The following PABPC4L variants were observed in gnomAD, a reference collection of about 807,000 sequenced individuals.
The protein encoded by PABPC4L is polyadenylate-binding protein 4-like.
For missense variants in PABPC4L, 452 were observed against 451.4 expected (o/e 1.00, Z -0.01); for synonymous variants, 169 against 164.1 (o/e 1.03, Z -0.23).
At chr4:134,109,850 T>A in the PABPC4L span, among the ~76,000 whole-genome samples, 1 of 151,904 alleles carries the variant, frequency 6.6e-6, no homozygotes, top group Non-Finnish European at 1.5e-5. Flanking sequence ...CAAGCAATTC[T>A]CCTGTCTCAG....
chr4:134,030,417 T>C, the PABPC4L span, among the ~76,000 whole-genome samples: 2 of 152,116 alleles, frequency 1.3e-5, no homozygotes, highest in Non-Finnish European at 2.9e-5. Context: ...TGATTTGGCT[T>C]TATTTTGTCA....
At chr4:134,075,588 C>T in the PABPC4L span, among the ~76,000 whole-genome samples, 1 of 151,962 alleles carries the variant, frequency 6.6e-6, no homozygotes. Flanking sequence ...ACATATTCCC[C>T]CAAGCGGACA....
chr4:134,050,424 G>A, the PABPC4L span, among the ~76,000 whole-genome samples: 2 of 152,060 alleles, frequency 1.3e-5, no homozygotes, highest in East Asian at 1.9e-4. Flanking sequence ...AGTGAAAGAC[G>A]GCTGATGCAG....
At chr4:133,990,760 A>G in the PABPC4L span, among the ~76,000 whole-genome samples, 5 of 152,200 alleles carry the variant, frequency 3.3e-5, no homozygotes, top group Admixed American at 6.5e-5. Context: ...GCAGTCCTGC[A>G]GCGAATGATC....
At chr4:134,045,433 G>A in the PABPC4L span, among the ~76,000 whole-genome samples, 6 of 152,180 alleles carry the variant, frequency 3.9e-5, no homozygotes, top group Admixed American at 1.3e-4. Flanking sequence ...GAATACCAAT[G>A]CTCTCTTTTC....
At chr4:134,045,764 C>T in the PABPC4L span, among the ~76,000 whole-genome samples, 1 of 152,078 alleles carries the variant, frequency 6.6e-6, no homozygotes, top group East Asian at 1.9e-4. Flanking sequence ...ATAATTTTCC[C>T]CTTCAATCTG....
the PABPC4L span, among the ~76,000 whole-genome samples, chr4:134,109,359 A>G: frequency 5.9e-5 from 9 of 152,048 alleles, no homozygotes; most frequent in Admixed American, 5.3e-4. Context: ...AATATCAAGT[A>G]AAAGCAATAT....
chr4:133,960,393 T>C, the PABPC4L span, among the ~76,000 whole-genome samples: 143 of 151,994 alleles, frequency 9.4e-4, no homozygotes, highest in Non-Finnish European at 1.7e-3. Flanking sequence ...AATACAGAAG[T>C]AGAGGAGCAA....
At chr4:134,177,092 C>T in the PABPC4L span, among the ~76,000 whole-genome samples, 570 of 152,116 alleles carry the variant, frequency 3.7e-3, 2 homozygotes, top group African/African-American at 0.013. Context: ...CCCAAACTTG[C>T]CTGCCCACTC....
chr4:134,010,017 T>C, the PABPC4L span, among the ~76,000 whole-genome samples: 2 of 152,098 alleles, frequency 1.3e-5, no homozygotes, highest in East Asian at 1.9e-4. Flanking sequence ...ACAGTTCTGA[T>C]AAGTGGTCAG....
At chr4:134,055,473 T>A in the PABPC4L span, among the ~76,000 whole-genome samples, 1 of 151,786 alleles carries the variant, frequency 6.6e-6, no homozygotes, top group Non-Finnish European at 1.5e-5. Flanking sequence ...AGCAAACAAC[T>A]CTTAAGGGCA....
chr4:133,995,286 G>A, the PABPC4L span, among the ~76,000 whole-genome samples: 2 of 152,260 alleles, frequency 1.3e-5, no homozygotes, highest in South Asian at 2.1e-4. Context: ...CGTATGACCT[G>A]ACTCTGCATA....
chr4:133,984,262 G>C, the PABPC4L span, among the ~76,000 whole-genome samples: 2 of 151,830 alleles, frequency 1.3e-5, no homozygotes. Context: ...AAGTAGGTAA[G>C]AGGCAGTGAA....
chr4:134,025,141 G>A, the PABPC4L span, among the ~76,000 whole-genome samples: 1 of 150,482 alleles, frequency 6.6e-6, no homozygotes, highest in Non-Finnish European at 1.5e-5. Flanking sequence ...GACCTGCCTG[G>A]CATACATAGG....
At chr4:134,059,812 C>A in the PABPC4L span, among the ~76,000 whole-genome samples, 1 of 151,954 alleles carries the variant, frequency 6.6e-6, no homozygotes, top group African/African-American at 2.4e-5. Flanking sequence ...AAGCCTCCAA[C>A]GAATCATCTC....
the PABPC4L span, among the ~76,000 whole-genome samples, chr4:134,075,511 C>G: frequency 3.3e-5 from 5 of 152,068 alleles, no homozygotes; most frequent in African/African-American, 1.2e-4. Flanking sequence ...TAATGAGTAT[C>G]ATTAATTATC....
the PABPC4L span, among the ~76,000 whole-genome samples, chr4:134,138,377 A>T: frequency 6.6e-6 from 1 of 151,816 alleles, no homozygotes; most frequent in Admixed American, 6.6e-5. Context: ...AAGTCAAATT[A>T]TTGGGATATC....
chr4:133,995,411 A>G, the PABPC4L span, among the ~76,000 whole-genome samples: 72,018 of 151,956 alleles, frequency 0.47, 18,598 homozygotes, highest in African/African-American at 0.65. Context: ...GTAAGTCCCC[A>G]GACTGGGGCT....
At chr4:134,042,990 G>A in the PABPC4L span, among the ~76,000 whole-genome samples, 13 of 152,078 alleles carry the variant, frequency 8.5e-5, no homozygotes, top group Non-Finnish European at 1.9e-4. Context: ...ACCAGTAAAT[G>A]AAGGTCTTTT....
Sources: gnomAD v4.1 joint callset for allele counts (sites outside exome capture counted in the v4.1 genomes callset) on GRCh38, gnomAD v4.1.1 for gene constraint, MANE v1.5 for transcripts, NCBI Gene and HGNC (gene_info 2026-07-23, HGNC 2026-07-21) for gene names.